DNER: variants seen among roughly 807,000 people sequenced by gnomAD.
The protein encoded by DNER is delta and Notch-like epidermal growth factor-related receptor.
DNER carries 33 observed loss-of-function variants against 78.2 expected under a neutral mutation model. That is an observed-to-expected ratio of 0.42 (90% CI 0.32 to 0.56). DNER has a LOEUF of 0.56. Ranked by LOEUF, DNER falls within the 20% of genes least tolerant of loss-of-function variation. The pLI is 0.11. For synonymous variants in DNER, 417 were observed against 384.8 expected, an observed-to-expected ratio of 1.08 and a Z score of -0.98; for missense variants, 918 against 975.3, an observed-to-expected ratio of 0.94 and a Z score of 0.78.
rs114242483 is a variant in DNER at position 229,567,033 on chromosome 2, C to T, written c.847+18825G>A. Among the ~76,000 whole-genome samples the T allele has an allele frequency of 7.4e-3, 1,124 of 152,324 alleles. 4 individuals carry two copies. The highest frequency in any genetic ancestry group is 0.02 in the Middle Eastern group (6 of 294). On this transcript the variant is annotated intron_variant, in intron 4 of 12. Transcript: ENST00000341772. Reference sequence around the variant, plus strand: ...TCCTCCTTACTCTCCAAGCTCCAGCCTCATGCTTTGTTGCAGTTCCTCTAA... The same window carrying T: ...TCCTCCTTACTCTCCAAGCTCCAGCTTCATGCTTTGTTGCAGTTCCTCTAA...
At chr2:229,621,824 G>T (rs780761398) in intron 1 of DNER, among the ~76,000 whole-genome samples, 2 of 152,144 alleles carry the variant, frequency 1.3e-5, no homozygotes, top group African/African-American at 2.4e-5. Flanking sequence ...AGTGGCTCAC[G>T]CCTGTAATCC....
chr2:229,388,774 G>A (rs1277311557), intron 10 of DNER, among the ~76,000 whole-genome samples: 3 of 151,014 alleles, frequency 2.0e-5, no homozygotes, highest in African/African-American at 4.9e-5. Context: ...AAGTGAAGTC[G>A]GGATCTTGAT....
intron 5 of DNER, among the ~76,000 whole-genome samples, chr2:229,526,633 G>A (rs931834087): frequency 6.6e-6 from 1 of 152,184 alleles, no homozygotes; most frequent in African/African-American, 2.4e-5. Flanking sequence ...TCACAACAGG[G>A]TTTGCGCTCC....
At chr2:229,690,855 C>A (rs2154217383) in intron 1 of DNER, among the ~76,000 whole-genome samples, 1 of 152,100 alleles carries the variant, frequency 6.6e-6, no homozygotes, top group East Asian at 1.9e-4. Context: ...GATCTTGGAA[C>A]TAATATTTTA....
At chr2:229,434,925 TACACACACAC>T (rs58688647) in intron 8 of DNER, among the ~76,000 whole-genome samples, 4 of 130,568 alleles carry the variant, frequency 3.1e-5, no homozygotes, top group Admixed American at 7.9e-5. Context: ...TATATATATA[TACACACACAC>T]ACACACACAC....
At chr2:229,447,655 A>C in intron 7 of DNER, 115 bp from the exon 8 acceptor site, 2 of 1,168,274 alleles carry the variant, frequency 1.7e-6, no homozygotes, top group East Asian at 5.2e-5. Flanking sequence ...CACAGCTTCC[A>C]GATATGTCAC....
intron 8 of DNER, among the ~76,000 whole-genome samples, chr2:229,433,805 T>C (rs553118577): frequency 6.6e-6 from 1 of 152,324 alleles, no homozygotes; most frequent in African/African-American, 2.4e-5. Context: ...ATTAAGTGTG[T>C]TTCAAATTGA....
intron 12 of DNER, 140 bp downstream of exon 12, chr2:229,366,733 T>C (rs898996837): frequency 1.5e-6 from 2 of 1,315,852 alleles, no homozygotes; most frequent in African/African-American, 1.5e-5. Flanking sequence ...GAATGATCTA[T>C]CCCCAAATAC....
Position 229,536,470 on chromosome 2 carries a change from C to T in DNER, c.993+10477G>A, listed in dbSNP as rs965254095. ...GGGAGCAAGCAGATGGTTTTCAGGT[C>T]CCTAAAGAGGGGCAATGAAGCAGCA... On this transcript the variant is annotated intron_variant, in intron 5 of 12. Coordinates refer to ENST00000341772, the MANE Select transcript of DNER (RefSeq NM_139072.4). Among the ~76,000 whole-genome samples the T allele has an allele frequency of 2.0e-5, 3 of 152,138 alleles. 1 individual carries two copies.
At chr2:229,593,992 T>G (rs537910477) in intron 1 of DNER, among the ~76,000 whole-genome samples, 3 of 152,216 alleles carry the variant, frequency 2.0e-5, no homozygotes, top group African/African-American at 7.2e-5. Context: ...GGACCACCCA[T>G]CTGGTGGCCT....
At chr2:229,499,855 A>G (rs1695578756) in intron 6 of DNER, among the ~76,000 whole-genome samples, 1 of 152,180 alleles carries the variant, frequency 6.6e-6, no homozygotes, top group South Asian at 2.1e-4. Context: ...TATATAAGGT[A>G]TTCAAACAAC....
At chr2:229,562,371 G>C (rs1330212174) in intron 4 of DNER, among the ~76,000 whole-genome samples, 1 of 152,156 alleles carries the variant, frequency 6.6e-6, no homozygotes, top group African/African-American at 2.4e-5. Context: ...ATATTGAATA[G>C]GGAGGAGTGG....
At chr2:229,540,791 G>T (rs1183859636) in intron 5 of DNER, among the ~76,000 whole-genome samples, 1 of 152,174 alleles carries the variant, frequency 6.6e-6, no homozygotes, top group Non-Finnish European at 1.5e-5. Context: ...TAGAAGGTTT[G>T]AAAATGATGC....
At chr2:229,711,609 C>T (rs2154217915) in intron 1 of DNER, among the ~76,000 whole-genome samples, 1 of 152,298 alleles carries the variant, frequency 6.6e-6, no homozygotes, top group East Asian at 1.9e-4. Flanking sequence ...AAAATTTCCC[C>T]ACACACAGAA....
At chr2:229,427,204 A>G (rs12468240) in intron 8 of DNER, among the ~76,000 whole-genome samples, 35,887 of 152,136 alleles carry the variant, frequency 0.24, 4,447 homozygotes, top group East Asian at 0.45. Context: ...TGGGCTTCCA[A>G]AAGGATGGAT....
chr2:229,420,342 T>C (rs554012627), intron 8 of DNER, among the ~76,000 whole-genome samples: 1 of 152,338 alleles, frequency 6.6e-6, no homozygotes, highest in Admixed American at 6.5e-5. Flanking sequence ...ATCAAATGTA[T>C]TGTTTGCAAA....
chr2:229,562,395 G>A (rs987732668), intron 4 of DNER, among the ~76,000 whole-genome samples: 2 of 152,070 alleles, frequency 1.3e-5, no homozygotes, highest in Non-Finnish European at 2.9e-5. Flanking sequence ...CATCAACTTA[G>A]CAAAAGTGTC....
At chr2:229,643,212 G>A (rs1359949754) in intron 1 of DNER, among the ~76,000 whole-genome samples, 2 of 152,040 alleles carry the variant, frequency 1.3e-5, no homozygotes, top group African/African-American at 4.8e-5. Flanking sequence ...GTGAGCCCCT[G>A]TCTCAAAAAT....
chr2:229,634,115 A>T (rs1489475452), intron 1 of DNER, among the ~76,000 whole-genome samples: 1 of 152,234 alleles, frequency 6.6e-6, no homozygotes, highest in Non-Finnish European at 1.5e-5. Flanking sequence ...AATGAGAAAG[A>T]AGGCAGCTTA....
Sources: allele counts gnomAD v4.1 joint callset (sites outside exome capture counted in the v4.1 genomes callset), GRCh38; gene constraint gnomAD v4.1.1; transcripts MANE v1.5; gene names NCBI Gene and HGNC (gene_info 2026-07-23, HGNC 2026-07-21).